MYO1E: variants seen among roughly 807,000 people sequenced by gnomAD.
MYO1E encodes the protein myosin IE, also known as unconventional myosin-Ie.
MYO1E carries 68 observed loss-of-function variants against 151.1 expected under a neutral mutation model. The ratio of observed to expected loss-of-function variants is 0.45; its 90% confidence interval spans 0.37 to 0.55. The LOEUF (loss-of-function observed/expected upper bound fraction) is 0.55. MYO1E is among the 20% of genes least tolerant of loss of function. MYO1E has a pLI of 0.00. For missense variants in MYO1E, 1,363 were observed against 1,389.3 expected (o/e 0.98, Z 0.30); for synonymous variants, 601 against 501.7 (o/e 1.20, Z -2.64).
intron 1 of MYO1E, among the ~76,000 whole-genome samples, chr15:59,277,573 A>AAC: frequency 6.8e-6 from 1 of 148,082 alleles, no homozygotes; most frequent in African/African-American, 2.6e-5. Flanking sequence ...AAAAAAAAAA[A>AAC]CATCAAAGCC....
At chr15:59,251,583 A>C (rs2080165296) in intron 4 of MYO1E, among the ~76,000 whole-genome samples, 1 of 152,250 alleles carries the variant, frequency 6.6e-6, no homozygotes, top group Admixed American at 6.5e-5. Flanking sequence ...TCTTCGGATC[A>C]GTAAGAAAAT....
chr15:59,281,275 TCTTTC>T (rs1165979937), intron 1 of MYO1E, among the ~76,000 whole-genome samples: 112 of 151,314 alleles, frequency 7.4e-4, no homozygotes, highest in African/African-American at 2.6e-3. Context: ...CTTTTTCTTT[TCTTTC>T]TTTTTTTTTT....
In MYO1E at chr15:59,218,049, C is replaced by G; in HGVS notation, c.949G>C (p.Asp317His). 6.2e-7 allele frequency: 1 copy of G among 1,614,178 alleles called. No homozygotes were observed. The highest frequency in any genetic ancestry group is 8.5e-7 in the Non-Finnish European group (1 of 1,180,036). ...FPAYLLGINQDRLKEKLTSRQ... is the reference protein window; with the variant it reads ...FPAYLLGINQHRLKEKLTSRQ... The stretch of plus-strand genomic sequence containing the variant: ...CTTGTTAGCTTTTCTTTCAACCGGT[C>G]CTGGTTTATCCCTAGCAGATATGCA... Residue 317 changes from aspartate (D) to histidine (H), a missense_variant, in exon 10 of 28, where the codon GAC becomes CAC. Asp to His is a moderately conservative substitution (Grantham distance 81). Transcript: ENST00000288235.
chr15:59,151,391 C>A (rs2079477704), intron 26 of MYO1E, among the ~76,000 whole-genome samples: 1 of 152,114 alleles, frequency 6.6e-6, no homozygotes, highest in South Asian at 2.1e-4. Context: ...GATTGCACCA[C>A]TGCACTCCAG....
At position 59,261,444 on chromosome 15, in the gene MYO1E, CT is replaced by C; in HGVS notation, c.212del (p.Lys71ArgfsTer29). The C allele has an allele frequency of 6.2e-7, 1 of 1,610,616 alleles. No homozygotes were observed. The highest frequency in any genetic ancestry group is 8.5e-7 in the Non-Finnish European group (1 of 1,177,044). On this transcript the variant is annotated frameshift_variant, in exon 3 of 28. Transcript: ENST00000288235. LOFTEE classifies it high-confidence loss of function. The stretch of plus-strand genomic sequence containing the variant: ...CCGCTCCTTGGTACATTTCAATTTC[CT>C]TTTCCCCAAAATATGGCATCTGCTT... ...PFKQMPYFGE[K>X]EIEMYQGAAQ... is the part of the protein sequence containing the mutation.
chr15:59,157,447 A>G (rs2140308784), intron 25 of MYO1E, among the ~76,000 whole-genome samples: 1 of 152,198 alleles, frequency 6.6e-6, no homozygotes, highest in East Asian at 1.9e-4. Context: ...TCAGTTACCC[A>G]TGGTCAACTG....
chr15:59,186,938 A>G (rs1159353856), intron 18 of MYO1E, among the ~76,000 whole-genome samples: 1 of 152,246 alleles, frequency 6.6e-6, no homozygotes, highest in Non-Finnish European at 1.5e-5. Flanking sequence ...CAATTTAAGT[A>G]TAGGTCCTGC....
intron 17 of MYO1E, among the ~76,000 whole-genome samples, chr15:59,190,040 G>A (rs1487927805): frequency 6.6e-6 from 1 of 152,194 alleles, no homozygotes; most frequent in African/African-American, 2.4e-5. Flanking sequence ...GCACGGACAT[G>A]TGCCTTGTGA....
intron 1 of MYO1E, among the ~76,000 whole-genome samples, chr15:59,285,160 A>G (rs2080379682): frequency 6.6e-6 from 1 of 152,170 alleles, no homozygotes; most frequent in African/African-American, 2.4e-5. Flanking sequence ...ACTTGGGTAC[A>G]AGCTCTACCT....
intron 1 of MYO1E, among the ~76,000 whole-genome samples, chr15:59,355,345 C>T (rs1197197458): frequency 2.0e-5 from 3 of 152,200 alleles, no homozygotes; most frequent in South Asian, 2.1e-4. Context: ...GCAATTCCTC[C>T]TTCCAAATGT....
At chr15:59,284,057 A>G (rs1251061425) in intron 1 of MYO1E, among the ~76,000 whole-genome samples, 5 of 152,246 alleles carry the variant, frequency 3.3e-5, no homozygotes, top group African/African-American at 1.2e-4. Flanking sequence ...ACAGCCTTGC[A>G]TAATGCAGAG....
chr15:59,233,688 C>T (rs1471874104), intron 5 of MYO1E, among the ~76,000 whole-genome samples: 8 of 97,774 alleles, frequency 8.2e-5, no homozygotes, highest in African/African-American at 2.4e-4. Flanking sequence ...AAAAAAAAGG[C>T]AGCAAAACAG....
In MYO1E at chr15:59,136,915, T is replaced by G. The variant is rs1490712553; in HGVS notation, c.*465A>C. Reference sequence around the variant, plus strand: ...CTAAGCCCAGTCTGCAGAGGGCGGGTCCTCCCTGAAGGAAGGTGGCAGAGA... The same window carrying G: ...CTAAGCCCAGTCTGCAGAGGGCGGGGCCTCCCTGAAGGAAGGTGGCAGAGA... On this transcript the variant is annotated 3_prime_UTR_variant, in exon 28 of 28. Coordinates refer to ENST00000288235, the MANE Select transcript of MYO1E (RefSeq NM_004998.4). The G allele has an allele frequency of 5.4e-6, 2 of 367,278 alleles. No homozygotes were observed. Among genetic ancestry groups the G allele is most frequent in the African/African-American group, 4.3e-5 (2 of 47,004 alleles). 22.8% of individuals were successfully genotyped at this position (367,278 alleles called of 1,614,324 possible).
chr15:59,163,661 T>A (rs1164304303), intron 22 of MYO1E, among the ~76,000 whole-genome samples: 1 of 152,200 alleles, frequency 6.6e-6, no homozygotes, highest in African/African-American at 2.4e-5. Flanking sequence ...ATGAATAGAA[T>A]GCAGTTGAAA....
intron 1 of MYO1E, among the ~76,000 whole-genome samples, chr15:59,330,323 C>T (rs1367428012): frequency 9.2e-5 from 14 of 152,292 alleles, no homozygotes; most frequent in African/African-American, 3.4e-4. Flanking sequence ...GTAAACTTCC[C>T]TCTCCTCATC....
chr15:59,240,593 GTTCT>G (rs2080094024), intron 4 of MYO1E, among the ~76,000 whole-genome samples: 1 of 152,086 alleles, frequency 6.6e-6, no homozygotes, highest in Admixed American at 6.5e-5. Context: ...AAATATTTCA[GTTCT>G]TTTTTATTTT....
chr15:59,254,361 A>G (rs1314184363), intron 4 of MYO1E, among the ~76,000 whole-genome samples: 1 of 152,110 alleles, frequency 6.6e-6, no homozygotes, highest in Non-Finnish European at 1.5e-5. Context: ...CTAATTAAAA[A>G]AACTTTTTTA....
At chr15:59,239,116 G>A (rs1231067400) in intron 4 of MYO1E, among the ~76,000 whole-genome samples, 1 of 151,406 alleles carries the variant, frequency 6.6e-6, no homozygotes, top group Non-Finnish European at 1.5e-5. Flanking sequence ...TGAGGCAGGA[G>A]AATCTCTTGA....
intron 22 of MYO1E, among the ~76,000 whole-genome samples, chr15:59,163,585 A>G (rs185963400): frequency 6.6e-6 from 1 of 152,322 alleles, no homozygotes; most frequent in Admixed American, 6.5e-5. Flanking sequence ...AATTTAGCCC[A>G]TATTAAAAAA....
Sources: allele counts gnomAD v4.1 joint callset (sites outside exome capture counted in the v4.1 genomes callset), GRCh38; gene constraint gnomAD v4.1.1; transcripts MANE v1.5; gene names NCBI Gene and HGNC (gene_info 2026-07-23, HGNC 2026-07-21).